The following TMEM156 variants were observed in gnomAD, a reference collection of about 807,000 sequenced individuals.
The protein encoded by TMEM156 is transmembrane protein 156.
A neutral mutation model predicts 30.5 loss-of-function variants in TMEM156; 28 were observed. That is an observed-to-expected ratio of 0.92 (90% CI 0.68 to 1.26). TMEM156 has a LOEUF of 1.26. Among genes scored for constraint, TMEM156 ranks in the 50% most tolerant of loss-of-function variants. The probability of loss-of-function intolerance (pLI) is 0.00; values close to 1 mark genes in which losing one functional copy is unlikely to be tolerated. For synonymous variants in TMEM156, 137 were observed against 119.9 expected, an observed-to-expected ratio of 1.14 and a Z score of -0.93; for missense variants, 351 against 340.6, an observed-to-expected ratio of 1.03 and a Z score of -0.24.
Position 39,013,320 on chromosome 4 carries a change from AG to A in TMEM156, c.89-14412del, listed in dbSNP as rs1469278309. ...CAGAACCTGTCTCAAAAAAAAAAAA[AG>A]AAAGAAAGAAAAAGAAAACAAAGAA... On this transcript the variant is annotated intron_variant, in intron 1 of 6. Coordinates refer to ENST00000381938, the MANE Select transcript of TMEM156 (RefSeq NM_024943.3). Among the ~76,000 whole-genome samples the A allele has an allele frequency of 2.7e-3, 404 of 148,684 alleles. 2 individuals carry two copies. Among genetic ancestry groups the A allele is most frequent in the African/African-American group, 9.5e-3 (382 of 40,000 alleles).
intron 1 of TMEM156, among the ~76,000 whole-genome samples, chr4:39,002,506 C>A (rs1449699915): frequency 7.5e-6 from 1 of 133,782 alleles, no homozygotes; most frequent in African/African-American, 2.6e-5. Flanking sequence ...ACTAGAAATA[C>A]CATTTGACCC....
chr4:38,989,000 C>T, intron 3 of TMEM156, 30 bp from the exon 4 acceptor site: 1 of 1,597,330 alleles, frequency 6.3e-7, no homozygotes, highest in South Asian at 1.1e-5. Context: ...TGTAAAAACC[C>T]AGTAAAATTA....
In TMEM156 at chr4:39,030,731, ATAGC is replaced by A. The variant is rs199759562; in HGVS notation, c.88+1491_88+1494del. On this transcript the variant is annotated intron_variant, in intron 1 of 6. Transcript: ENST00000381938. The stretch of plus-strand genomic sequence containing the variant: ...TTTAAGAGGTGCTAGGTGTAGATCG[ATAGC>A]TAGCTAGCTAGCTAGATAGATATAT... Among the ~76,000 whole-genome samples, 567 of 115,810 alleles carry A rather than the reference ATAGC, an allele frequency of 4.9e-3. 3 individuals carry two copies. Among genetic ancestry groups the A allele is most frequent in the African/African-American group, 0.016 (544 of 33,432 alleles). The allele number at this position is 115,810 out of a possible 152,430, so 76.0% of individuals were successfully genotyped here. A position where few individuals can be genotyped will look rare whatever the true frequency, so the allele number is the denominator to read the frequency against.
chr4:38,986,755 C>A (rs1378416169), intron 4 of TMEM156, among the ~76,000 whole-genome samples: 1 of 117,728 alleles, frequency 8.5e-6, no homozygotes, highest in Non-Finnish European at 1.6e-5. Context: ...TTGCAGTGAG[C>A]CGAGATCATG....
Position 38,971,016 on chromosome 4 carries a change from C to G in TMEM156, c.*38+16G>C. On this transcript the variant is annotated intron_variant, in intron 6 of 6. Coordinates refer to ENST00000381938, the MANE Select transcript of TMEM156 (RefSeq NM_024943.3). ...GTTTATAATGAAGAAGTCGATAAAG[C>G]CGAATCATCACTCACCGTGTATATT... The G allele has an allele frequency of 1.3e-6, 2 of 1,505,250 alleles. No individual in the cohort carries two copies. The highest frequency in any genetic ancestry group is 1.8e-6 in the Non-Finnish European group (2 of 1,086,568). 93.2% of individuals were successfully genotyped at this position (1,505,250 alleles called of 1,614,324 possible).
intron 1 of TMEM156, among the ~76,000 whole-genome samples, chr4:39,015,587 T>C (rs1259068367): frequency 2.0e-5 from 3 of 152,204 alleles, no homozygotes; most frequent in African/African-American, 7.2e-5. Context: ...CGGGGATACC[T>C]CTGTTGAATG....
intron 1 of TMEM156, among the ~76,000 whole-genome samples, chr4:39,014,738 G>A (rs1336751541): frequency 7.7e-6 from 1 of 129,288 alleles, no homozygotes. Flanking sequence ...AGCCTGGGCA[G>A]CAAAGTGAGA....
At chr4:39,020,632 A>G (rs1389014555) in intron 1 of TMEM156, among the ~76,000 whole-genome samples, 1 of 151,746 alleles carries the variant, frequency 6.6e-6, no homozygotes, top group Non-Finnish European at 1.5e-5. Flanking sequence ...GCTCACTGCA[A>G]CCTCCACCTC....
intron 1 of TMEM156, among the ~76,000 whole-genome samples, chr4:39,017,131 G>A (rs1714542278): frequency 6.6e-6 from 1 of 151,520 alleles, no homozygotes; most frequent in East Asian, 1.9e-4. Context: ...GTGAGATTTG[G>A]GTGGGGACAC....
chr4:39,006,654 T>C (rs1288419532), intron 1 of TMEM156, among the ~76,000 whole-genome samples: 1 of 152,160 alleles, frequency 6.6e-6, no homozygotes, highest in Admixed American at 6.6e-5. Context: ...CAGTGGCTCA[T>C]GCCTGTAATC....
At chr4:38,993,650 G>T in intron 3 of TMEM156, 88 bp downstream of exon 3, 2 of 1,063,532 alleles carry the variant, frequency 1.9e-6, no homozygotes, top group African/African-American at 1.6e-5. Flanking sequence ...TCAGCTATTT[G>T]GCTTTCAGTT....
At chr4:39,005,480 G>A (rs1441720394) in intron 1 of TMEM156, among the ~76,000 whole-genome samples, 1 of 152,078 alleles carries the variant, frequency 6.6e-6, no homozygotes, top group African/African-American at 2.4e-5. Flanking sequence ...AGTTTCCTGA[G>A]GCCTCCCCAG....
rs762209685 is a variant in TMEM156 at position 38,988,819 on chromosome 4, G to T, written c.739+32C>A. 11 of 1,612,838 alleles carry T rather than the reference G, an allele frequency of 6.8e-6. No homozygotes were observed. In the African/African-American group the frequency reaches 1.3e-4, roughly 20 times the overall value. ...AAATGAAATCCATAGAAGAGATCAG[G>T]AGTTCCTCGGCACTACAGGGATTAT... On this transcript the variant is annotated intron_variant, in intron 4 of 6. Coordinates refer to ENST00000381938, the MANE Select transcript of TMEM156 (RefSeq NM_024943.3).
At chr4:39,025,877 T>C (rs1482656008) in intron 1 of TMEM156, among the ~76,000 whole-genome samples, 1 of 152,242 alleles carries the variant, frequency 6.6e-6, no homozygotes, top group East Asian at 1.9e-4. Context: ...AATATGAGGA[T>C]AACACTTGGC....
intron 1 of TMEM156, among the ~76,000 whole-genome samples, chr4:39,009,004 C>A (rs1012338242): frequency 6.6e-6 from 1 of 151,908 alleles, no homozygotes; most frequent in African/African-American, 2.4e-5. Context: ...GATTAATAAA[C>A]TGCTACCTAG....
intron 1 of TMEM156, among the ~76,000 whole-genome samples, chr4:39,020,337 C>T (rs1021272259): frequency 2.0e-5 from 3 of 151,970 alleles, no homozygotes; most frequent in African/African-American, 2.4e-5. Context: ...TTCAGAGATC[C>T]TTTGACACAC....
intron 1 of TMEM156, among the ~76,000 whole-genome samples, chr4:39,019,116 T>C (rs904819259): frequency 1.2e-4 from 18 of 152,160 alleles, no homozygotes; most frequent in African/African-American, 3.9e-4. Flanking sequence ...GTGGGTTTCC[T>C]GAATTTGAGG....
At chr4:39,014,119 T>TTAA (rs1183679312) in intron 1 of TMEM156, among the ~76,000 whole-genome samples, 1 of 152,184 alleles carries the variant, frequency 6.6e-6, no homozygotes, top group Non-Finnish European at 1.5e-5. Flanking sequence ...AAAATATTCT[T>TTAA]TATTTCCCAA....
rs1278755163 is a variant in TMEM156, at chr4:39,032,364, T to C, written c.-51A>G. The stretch of plus-strand genomic sequence containing the variant: ...TCCCTTGCAGTACATTCATGGTATG[T>C]TGCTTCCTGCTTTAAGTTTATCTCT... On this transcript the variant is annotated 5_prime_UTR_variant, in exon 1 of 7. Transcript: ENST00000381938. 1 of 1,155,372 alleles carries C rather than the reference T, an allele frequency of 8.7e-7. No homozygotes were observed. The highest frequency in any genetic ancestry group is 1.9e-5 in the Admixed American group (1 of 52,276). 71.6% of individuals were successfully genotyped at this position (1,155,372 alleles called of 1,614,324 possible).
Sources: gnomAD v4.1 joint callset for allele counts (sites outside exome capture counted in the v4.1 genomes callset) on GRCh38, gnomAD v4.1.1 for gene constraint, MANE v1.5 for transcripts, NCBI Gene and HGNC (gene_info 2026-07-23, HGNC 2026-07-21) for gene names.